FBXL13: variants seen among roughly 807,000 people sequenced by gnomAD.
FBXL13 encodes F-box and leucine rich repeat protein 13.
A neutral mutation model predicts 83.6 loss-of-function variants in FBXL13; 67 were observed. The ratio of observed to expected loss-of-function variants is 0.80; its 90% CI spans 0.66 to 0.98. FBXL13 has a LOEUF of 0.98. Among genes scored for constraint, FBXL13 ranks in the 50% least tolerant of loss-of-function variants. FBXL13 has a pLI of 0.00. For synonymous variants in FBXL13, 272 were observed against 299.5 expected (o/e 0.91, Z 0.95); for missense variants, 822 against 866.5 (o/e 0.95, Z 0.64).
At chr7:102,887,338 C>G (rs10242028) in intron 11 of FBXL13, among the ~76,000 whole-genome samples, 74,048 of 151,768 alleles carry the variant, frequency 0.49, 20,495 homozygotes, top group African/African-American at 0.77. Flanking sequence ...AGAACAAAAA[C>G]AAAGTATATC....
chr7:103,048,552 A>C (rs1563270727), intron 2 of FBXL13, among the ~76,000 whole-genome samples: 1 of 152,220 alleles, frequency 6.6e-6, no homozygotes, highest in South Asian at 2.1e-4. Context: ...TTTTAATAAA[A>C]CCTCACAGAC....
intron 17 of FBXL13, among the ~76,000 whole-genome samples, chr7:102,852,916 T>C (rs769786017): frequency 2.4e-4 from 37 of 152,152 alleles, no homozygotes; most frequent in Non-Finnish European, 4.3e-4. Context: ...CAATTCGCAA[T>C]TGCAAAATCG....
At chr7:102,849,965 A>C (rs1373294558) in intron 17 of FBXL13, among the ~76,000 whole-genome samples, 1 of 152,148 alleles carries the variant, frequency 6.6e-6, no homozygotes, top group Non-Finnish European at 1.5e-5. Context: ...CCTATGAAAC[A>C]AACCTGCATG....
intron 6 of FBXL13, among the ~76,000 whole-genome samples, chr7:103,012,687 A>G (rs1439115980): frequency 6.6e-6 from 1 of 152,224 alleles, no homozygotes; most frequent in African/African-American, 2.4e-5. Context: ...GACCATTACC[A>G]GCCACTATAA....
At chr7:102,833,399 A>G (rs906787495) in intron 17 of FBXL13, among the ~76,000 whole-genome samples, 1 of 150,714 alleles carries the variant, frequency 6.6e-6, no homozygotes, top group African/African-American at 2.4e-5. Context: ...ATTACCTCTT[A>G]AATCTTAGCA....
At position 102,874,415 on chromosome 7, in the gene FBXL13, A is replaced by T. The variant is rs938029494; in HGVS notation, c.1635+3052T>A. The T allele has an allele frequency of 8.3e-6, 8 of 967,250 alleles. No homozygotes were observed. The African/African-American group carries it at 1.2e-4, about 15-fold the overall frequency. 59.9% of individuals were successfully genotyped at this position (967,250 alleles called of 1,614,324 possible). A position where few individuals can be genotyped will look rare whatever the true frequency, so the allele number is the denominator to read the frequency against. On this transcript the variant is annotated intron_variant, in intron 16 of 19. Transcript: ENST00000313221. ...ACTTGGAGGAAGAAAACAACAGAAGACTTATTTTTTTCAATCTTTTAGCAG... is the reference window on the plus strand; with the variant it reads ...ACTTGGAGGAAGAAAACAACAGAAGTCTTATTTTTTTCAATCTTTTAGCAG...
intron 15 of FBXL13, among the ~76,000 whole-genome samples, chr7:102,877,866 T>G (rs1203514990): frequency 1.3e-5 from 2 of 152,160 alleles, no homozygotes; most frequent in African/African-American, 4.8e-5. Flanking sequence ...AAAACTATCA[T>G]GTAAGTACCA....
chr7:102,901,770 T>C (rs879872938), intron 11 of FBXL13, among the ~76,000 whole-genome samples: 3 of 152,242 alleles, frequency 2.0e-5, no homozygotes, highest in Non-Finnish European at 4.4e-5. Flanking sequence ...GATCTCATGC[T>C]TTTTTATGGC....
chr7:102,935,107 G>A (rs1221032417), intron 8 of FBXL13, among the ~76,000 whole-genome samples: 1 of 152,098 alleles, frequency 6.6e-6, no homozygotes. Context: ...ACCTCAAAGA[G>A]AAAACATCTG....
intron 6 of FBXL13, among the ~76,000 whole-genome samples, chr7:102,971,660 AGAGGCT>A (rs1826687246): frequency 6.6e-6 from 1 of 151,338 alleles, no homozygotes; most frequent in Non-Finnish European, 1.5e-5. Flanking sequence ...CAGCTACTTG[AGAGGCT>A]GAGGCAAGAT....
intron 17 of FBXL13, among the ~76,000 whole-genome samples, chr7:102,838,114 C>T (rs1413350421): frequency 1.3e-5 from 2 of 152,188 alleles, no homozygotes; most frequent in African/African-American, 4.8e-5. Context: ...AGGCAGCATA[C>T]AGGGTTGGTT....
chr7:103,041,607 C>G (rs1439675611), intron 2 of FBXL13, among the ~76,000 whole-genome samples: 1 of 152,168 alleles, frequency 6.6e-6, no homozygotes, highest in Non-Finnish European at 1.5e-5. Context: ...AGCAGCACAT[C>G]AAAAAGCTTA....
At chr7:102,876,635 G>A (rs925023420) in intron 16 of FBXL13, among the ~76,000 whole-genome samples, 1 of 152,154 alleles carries the variant, frequency 6.6e-6, no homozygotes, top group Non-Finnish European at 1.5e-5. Flanking sequence ...ACTGGGGCTG[G>A]AGATGCAAGC....
intron 2 of FBXL13, 56 bp downstream of exon 2, chr7:103,055,587 TA>T: frequency 1.3e-6 from 1 of 783,560 alleles, no homozygotes; most frequent in African/African-American, 1.8e-5. Flanking sequence ...TACTATGCAA[TA>T]AAAGTTTTCC....
At chr7:102,813,389 A>G (rs1241170831) in exon 20 of FBXL13, 1 of 1,613,990 alleles carries the variant, frequency 6.2e-7, no homozygotes, top group South Asian at 1.1e-5. Context: ...TTCACTGTTA[A>G]TTCTAAGGCT....
intron 8 of FBXL13, chr7:102,933,837 C>A: frequency 6.3e-6 from 9 of 1,434,938 alleles, no homozygotes; most frequent in Non-Finnish European, 8.4e-6. Flanking sequence ...TTAAGATTAC[C>A]CAGACTTGGA....
At chr7:103,074,197 C>T (rs1799380873) in intron 1 of FBXL13, 1 of 982,490 alleles carries the variant, frequency 1.0e-6, no homozygotes, top group Non-Finnish European at 1.2e-6. Context: ...CCTCCGCTAA[C>T]CTCCATCTAT....
At chr7:102,942,990 A>G (rs1397953986) in intron 8 of FBXL13, among the ~76,000 whole-genome samples, 1 of 152,160 alleles carries the variant, frequency 6.6e-6, no homozygotes, top group Non-Finnish European at 1.5e-5. Flanking sequence ...GGGTGAAAAA[A>G]GCTTTTTGTT....
intron 8 of FBXL13, among the ~76,000 whole-genome samples, chr7:102,945,429 G>A (rs1256792723): frequency 6.6e-6 from 1 of 152,126 alleles, no homozygotes; most frequent in Non-Finnish European, 1.5e-5. Flanking sequence ...GTATGTCGAG[G>A]AGCATAAAAT....
Sources: allele counts gnomAD v4.1 joint callset (sites outside exome capture counted in the v4.1 genomes callset), GRCh38; gene constraint gnomAD v4.1.1; transcripts MANE v1.5; gene names NCBI Gene and HGNC (gene_info 2026-07-23, HGNC 2026-07-21).